The following NEU3 variants were observed in gnomAD, a reference collection of about 807,000 sequenced individuals.
NEU3 encodes the protein sialidase-3.
Under a neutral mutation model 11.4 loss-of-function variants are expected in NEU3, and 10 were observed. The ratio of observed to expected loss-of-function variants is 0.88; its 90% confidence interval spans 0.54 to 1.49. The LOEUF is 1.49. Ranked by LOEUF, NEU3 falls within the 40% of genes most tolerant of loss-of-function variation. The pLI, the probability that NEU3 is intolerant of heterozygous loss-of-function variation, is 0.00. For synonymous variants in NEU3, 212 were observed against 228.2 expected (o/e 0.93, Z 0.64); for missense variants, 529 against 581.8 (o/e 0.91, Z 0.93).
rs1013550842 is a variant in NEU3 at position 74,989,189 on chromosome 11, G to A, written c.94+35G>A. 7.3e-6 allele frequency: 11 copies of A among 1,509,442 alleles called. No individual in the cohort carries two copies. In the African/African-American group the frequency reaches 1.1e-4, roughly 15 times the overall value. 93.5% of individuals were successfully genotyped at this position (1,509,442 alleles called of 1,614,324 possible). On this transcript the variant is annotated intron_variant, in intron 1 of 2. Coordinates refer to ENST00000294064, the MANE Select transcript of NEU3 (RefSeq NM_006656.6). ...GTTGGGAGACAGGAGAGCTCCCCGA[G>A]GAGGACTCAACTGTGGGGACAGGTT... is the stretch of plus-strand genomic sequence containing the variant.
At chr11:75,016,530 G>A (rs1229091746) in intron 3 of NEU3, among the ~76,000 whole-genome samples, 3 of 152,210 alleles carry the variant, frequency 2.0e-5, no homozygotes, top group Admixed American at 6.5e-5. Context: ...TTTGAGGGGT[G>A]GGTGCCAAGT....
Position 74,989,138 on chromosome 11 carries a change from G to A in NEU3, c.78G>A (p.Glu26=). ...GCTCTGCCCCGACAGAGACGGAGGA[G>A]CCGGGGTCCAGTGCAGGTGAGCGGG... ...ASSSAPTETE[E]PGSSAEVMEE... is the part of the protein sequence containing the mutation. Residue 26 remains glutamate (E), a synonymous_variant, in exon 1 of 3, where the codon GAG becomes GAA. Transcript: ENST00000294064. The A allele has an allele frequency of 1.3e-6, 2 of 1,551,228 alleles. No homozygotes were observed. Among genetic ancestry groups the A allele is most frequent in the Non-Finnish European group, 1.7e-6 (2 of 1,146,928 alleles).
chr11:74,987,194 G>C (rs376795503), upstream of NEU3, among the ~76,000 whole-genome samples: 66 of 152,160 alleles, frequency 4.3e-4, no homozygotes, highest in African/African-American at 1.6e-3. Context: ...CCAGAAATAG[G>C]GTTTGTACAG....
the NEU3 span, among the ~76,000 whole-genome samples, chr11:74,981,938 A>G: frequency 6.6e-6 from 1 of 152,198 alleles, no homozygotes; most frequent in Non-Finnish European, 1.5e-5. Context: ...GCTAAGGAGC[A>G]AGAGGTAGGA....
At chr11:75,011,123 C>T (rs1306590129), downstream of NEU3, among the ~76,000 whole-genome samples, 2 of 152,152 alleles carry the variant, frequency 1.3e-5, no homozygotes, top group African/African-American at 4.8e-5. Flanking sequence ...GATTACAATG[C>T]CTGCTTACGG....
chr11:75,011,534 A>G (rs1413114029), downstream of NEU3, among the ~76,000 whole-genome samples: 2 of 152,172 alleles, frequency 1.3e-5, no homozygotes, highest in Non-Finnish European at 2.9e-5. Context: ...ACAGAAAAAC[A>G]TCCTTGGCTG....
chr11:74,990,940 T>C (rs183967806), intron 1 of NEU3, among the ~76,000 whole-genome samples: 1 of 152,364 alleles, frequency 6.6e-6, no homozygotes, highest in East Asian at 1.9e-4. Context: ...TATACAGTAA[T>C]TGGTAGTTTA....
intron 2 of NEU3, among the ~76,000 whole-genome samples, chr11:75,002,136 C>T (rs1948850829): frequency 6.6e-6 from 1 of 152,090 alleles, no homozygotes; most frequent in South Asian, 2.1e-4. Flanking sequence ...CTCACTGCTG[C>T]CTCAAACTCC....
In NEU3 at chr11:74,990,760, A is replaced by C. The variant is rs758182399; in HGVS notation, c.94+1606A>C. ...TCCTGTTTAGATTTAACTAATAGTCACATGTTGACTGATGATAGTAGTGTT... is the reference window on the plus strand; with the variant it reads ...TCCTGTTTAGATTTAACTAATAGTCCCATGTTGACTGATGATAGTAGTGTT... On this transcript the variant is annotated intron_variant, in intron 1 of 2. Coordinates refer to ENST00000294064, the MANE Select transcript of NEU3 (RefSeq NM_006656.6). Among the ~76,000 whole-genome samples, 9 of 152,334 alleles carry C rather than the reference A, an allele frequency of 5.9e-5. No homozygotes were observed. In the South Asian group the frequency reaches 1.7e-3, roughly 28 times the overall value.
At chr11:74,994,410 C>A in intron 1 of NEU3, 99 bp from the exon 2 acceptor site, 1 of 835,012 alleles carries the variant, frequency 1.2e-6, no homozygotes, top group Non-Finnish European at 1.9e-6. Flanking sequence ...TCTGTGCCCC[C>A]CCACCTTTGC....
At chr11:75,020,471 G>T (rs1208391634), downstream of NEU3, among the ~76,000 whole-genome samples, 1 of 152,254 alleles carries the variant, frequency 6.6e-6, no homozygotes, top group Admixed American at 6.5e-5. Flanking sequence ...ATAGGGGCAG[G>T]TCTTTCCCAT....
intron 1 of NEU3, chr11:74,989,995 A>G: frequency 8.5e-6 from 6 of 702,562 alleles, no homozygotes; most frequent in Non-Finnish European, 1.3e-5. Flanking sequence ...TTGGGTGGCA[A>G]TGCCAGAATC....
At chr11:75,004,228 A>G in intron 2 of NEU3, 1 of 625,802 alleles carries the variant, frequency 1.6e-6, no homozygotes, top group South Asian at 1.9e-5. Context: ...AGTATTGTCA[A>G]GCTTTATGAT....
chr11:75,010,862 C>T lies in NEU3; in HGVS notation c.*4370C>T, dbSNP rs1413738598. ...TACTCTGTACTATAAAAACTACCATCGTTCTTTGAAACAACAAAGAGGAAT... is the reference window on the plus strand; with the variant it reads ...TACTCTGTACTATAAAAACTACCATTGTTCTTTGAAACAACAAAGAGGAAT... On this transcript the variant is annotated 3_prime_UTR_variant, in exon 3 of 3. Coordinates refer to ENST00000294064, the MANE Select transcript of NEU3 (RefSeq NM_006656.6). 6.6e-6 allele frequency: 1 copy of T among 151,866 alleles called. No individual in the cohort carries two copies. Among genetic ancestry groups the T allele is most frequent in the African/African-American group, 2.4e-5 (1 of 41,334 alleles). 9.4% of individuals were successfully genotyped at this position (151,866 alleles called of 1,614,324 possible). A position where few individuals can be genotyped will look rare whatever the true frequency, so the allele number is the denominator to read the frequency against.
chr11:74,984,023 T>A (rs1948653285), upstream of NEU3, among the ~76,000 whole-genome samples: 1 of 152,232 alleles, frequency 6.6e-6, no homozygotes, highest in Non-Finnish European at 1.5e-5. Flanking sequence ...TACCTTTAAT[T>A]AAATGTAATA....
At chr11:75,017,905 A>C (rs1948987802) in intron 3 of NEU3, among the ~76,000 whole-genome samples, 1 of 152,182 alleles carries the variant, frequency 6.6e-6, no homozygotes, top group Non-Finnish European at 1.5e-5. Context: ...CTTAAATGAC[A>C]TTTAGGAGAA....
At chr11:74,993,577 C>T (rs1948754764) in intron 1 of NEU3, among the ~76,000 whole-genome samples, 1 of 152,192 alleles carries the variant, frequency 6.6e-6, no homozygotes, top group Admixed American at 6.5e-5. Context: ...TGAAAATCTG[C>T]ACCCTGTGTA....
Position 75,006,035 on chromosome 11 carries a change from A to G in NEU3, c.929A>G (p.His310Arg), listed in dbSNP as rs760048743. The change falls in exon 3 of 3, where the codon CAT (histidine) becomes CGT (arginine). Residue 310 changes from histidine to arginine, a missense_variant. Coordinates refer to ENST00000294064, the MANE Select transcript of NEU3 (RefSeq NM_006656.6). ...AGTCGACAGCTCTGTGAGCCCCCAC[A>G]TGGTTGCCAAGGGAGTGTGGTAAGT... ...ALSRQLCEPPHGCQGSVVSFR... is the reference protein window; with the variant it reads ...ALSRQLCEPPRGCQGSVVSFR... The G allele has an allele frequency of 4.3e-6, 7 of 1,613,874 alleles. No individual in the cohort carries two copies. The highest frequency in any genetic ancestry group is 2.7e-5 in the African/African-American group (2 of 74,930).
intron 2 of NEU3, chr11:75,004,281 ATT>A (rs777165800): frequency 1.5e-6 from 1 of 679,216 alleles, no homozygotes; most frequent in South Asian, 1.6e-5. Flanking sequence ...CAATTTAGTT[ATT>A]TTGTTTTATT....
Sources: gnomAD v4.1 joint callset for allele counts (sites outside exome capture counted in the v4.1 genomes callset) on GRCh38, gnomAD v4.1.1 for gene constraint, MANE v1.5 for transcripts, NCBI Gene and HGNC (gene_info 2026-07-23, HGNC 2026-07-21) for gene names.